The following CERS6 variants were observed in gnomAD, a reference collection of about 807,000 sequenced individuals.
The protein encoded by CERS6 is LAG1 homolog, ceramide synthase 6.
CERS6 carries 26 observed loss-of-function variants against 56.8 expected under a neutral mutation model. The ratio of observed to expected loss-of-function variants is 0.46; its 90% CI spans 0.34 to 0.63. CERS6 has a LOEUF of 0.63. Among genes scored for constraint, CERS6 ranks in the 30% least tolerant of loss-of-function variants. The pLI is 0.01. For synonymous variants in CERS6, 164 were observed against 173.3 expected (o/e 0.95, Z 0.42); for missense variants, 415 against 467.5 (o/e 0.89, Z 1.04).
chr2:168,600,395 G>A (rs911416566), intron 3 of CERS6, among the ~76,000 whole-genome samples: 2 of 151,904 alleles, frequency 1.3e-5, no homozygotes, highest in African/African-American at 4.8e-5. Flanking sequence ...TAGTAGAGAC[G>A]GGGTTTCACC....
At chr2:168,735,611 G>T (rs1683689689) in intron 8 of CERS6, among the ~76,000 whole-genome samples, 1 of 151,990 alleles carries the variant, frequency 6.6e-6, no homozygotes, top group African/African-American at 2.4e-5. Context: ...AGTGGCTCAT[G>T]CCTACAATCC....
chr2:168,646,372 C>T (rs1685202640), intron 4 of CERS6, among the ~76,000 whole-genome samples: 1 of 152,008 alleles, frequency 6.6e-6, no homozygotes, highest in African/African-American at 2.4e-5. Flanking sequence ...TTTTCTTTGC[C>T]CACTTTTTAA....
At chr2:168,631,200 C>G (rs1201606806) in intron 4 of CERS6, among the ~76,000 whole-genome samples, 158 bp downstream of exon 4, 1 of 150,374 alleles carries the variant, frequency 6.7e-6, no homozygotes, top group Non-Finnish European at 1.5e-5. Flanking sequence ...AAAAATATTT[C>G]GGATGTTGCT....
intron 3 of CERS6, among the ~76,000 whole-genome samples, chr2:168,610,930 C>G (rs537049058): frequency 6.6e-6 from 1 of 152,308 alleles, no homozygotes; most frequent in African/African-American, 2.4e-5. Flanking sequence ...GCCTCAGCCT[C>G]CAGAGTAACT....
At chr2:168,636,576 A>G (rs1559030332) in intron 4 of CERS6, among the ~76,000 whole-genome samples, 1 of 152,152 alleles carries the variant, frequency 6.6e-6, no homozygotes. Context: ...CACATAAAAA[A>G]TACTGTTCTG....
At position 168,561,104 on chromosome 2, in the gene CERS6, A is replaced by G. The variant is rs1695777964; in HGVS notation, c.277-88A>G. The G allele has an allele frequency of 4.2e-6, 6 of 1,428,006 alleles. No homozygotes were observed. In the South Asian group the frequency reaches 5.1e-5, roughly 12 times the overall value. 88.5% of individuals were successfully genotyped at this position (1,428,006 alleles called of 1,614,324 possible). On this transcript the variant is annotated intron_variant, in intron 2 of 9. Coordinates refer to ENST00000305747, the MANE Select transcript of CERS6 (RefSeq NM_203463.3). ...AGATAGTAAACAATAGGGGGAAAAA[A>G]ACCTCTCAGATATAGACAAGGGCAG...
chr2:168,602,143 A>G (rs534443210), intron 3 of CERS6, among the ~76,000 whole-genome samples: 144 of 152,364 alleles, frequency 9.5e-4, no homozygotes, highest in African/African-American at 3.3e-3. Flanking sequence ...TAGCAAGGGT[A>G]TTGCACAAAT....
chr2:168,607,348 C>T (rs1341523010), intron 3 of CERS6, among the ~76,000 whole-genome samples: 1 of 152,060 alleles, frequency 6.6e-6, no homozygotes, highest in Non-Finnish European at 1.5e-5. Context: ...TTTTAAGTTA[C>T]TCTTCCCAGT....
intron 1 of CERS6, among the ~76,000 whole-genome samples, chr2:168,494,941 C>A (rs1694439365): frequency 6.6e-6 from 1 of 152,126 alleles, no homozygotes; most frequent in South Asian, 2.1e-4. Context: ...TTGGCTACTC[C>A]TGGATTCCTT....
intron 1 of CERS6, among the ~76,000 whole-genome samples, chr2:168,525,477 G>A (rs992155312): frequency 2.0e-5 from 3 of 152,222 alleles, no homozygotes; most frequent in Admixed American, 1.3e-4. Flanking sequence ...GGGCCTGAGA[G>A]TCTGCATTTT....
intron 1 of CERS6, among the ~76,000 whole-genome samples, chr2:168,475,933 G>T (rs1378917671): frequency 6.6e-6 from 1 of 152,158 alleles, no homozygotes; most frequent in Non-Finnish European, 1.5e-5. Flanking sequence ...ATGCAAGTCC[G>T]GGCTCACTGT....
chr2:168,588,022 G>A (rs114144615), intron 3 of CERS6, among the ~76,000 whole-genome samples: 1 of 151,834 alleles, frequency 6.6e-6, no homozygotes, highest in Non-Finnish European at 1.5e-5. Flanking sequence ...GACCTTCTGG[G>A]CTCAGTGATC....
intron 4 of CERS6, among the ~76,000 whole-genome samples, chr2:168,670,168 A>G (rs1428360413): frequency 6.6e-6 from 1 of 152,218 alleles, no homozygotes; most frequent in Non-Finnish European, 1.5e-5. Context: ...CACCATGGCT[A>G]TCTTATAGAG....
intron 3 of CERS6, among the ~76,000 whole-genome samples, chr2:168,591,562 A>G (rs2077765): frequency 0.019 from 2,878 of 152,346 alleles, 129 homozygotes; most frequent in East Asian, 0.18. Context: ...AGTCAACATT[A>G]TTTATTCACT....
intron 8 of CERS6, among the ~76,000 whole-genome samples, chr2:168,739,281 G>A (rs1480101887): frequency 6.6e-6 from 1 of 151,828 alleles, no homozygotes; most frequent in Non-Finnish European, 1.5e-5. Flanking sequence ...TATTTGAGCT[G>A]GGCCTTGAAG....
chr2:168,523,546 A>T (rs1695020872), intron 1 of CERS6, among the ~76,000 whole-genome samples: 1 of 152,118 alleles, frequency 6.6e-6, no homozygotes, highest in Non-Finnish European at 1.5e-5. Context: ...TGGCACGTGC[A>T]GCACTTTTAG....
At chr2:168,706,281 T>C (rs1003847878) in intron 6 of CERS6, among the ~76,000 whole-genome samples, 1 of 152,218 alleles carries the variant, frequency 6.6e-6, no homozygotes, top group Non-Finnish European at 1.5e-5. Flanking sequence ...CTGTTTTCTA[T>C]TGTGCAAATA....
intron 6 of CERS6, among the ~76,000 whole-genome samples, chr2:168,710,268 A>G (rs549381517): frequency 2.4e-4 from 37 of 152,358 alleles, no homozygotes; most frequent in African/African-American, 7.7e-4. Flanking sequence ...CTAATCCTCC[A>G]TAAGTGTTTT....
chr2:168,485,514 C>T lies in CERS6; in HGVS notation c.170+28896C>T, dbSNP rs184995507. Among the ~76,000 whole-genome samples, 485 of 152,248 alleles carry T rather than the reference C, an allele frequency of 3.2e-3. 2 individuals are homozygous for T. Among genetic ancestry groups the T allele is most frequent in the African/African-American group, 0.011 (446 of 41,546 alleles). On this transcript the variant is annotated intron_variant, in intron 1 of 9. Transcript: ENST00000305747. ...CTATTTATCCCTTTATGCCTCCCCC[C>T]ACACTGAACTTTTGGAACTACTGAT... is the stretch of plus-strand genomic sequence containing the variant.
Sources: gnomAD v4.1 joint callset for allele counts (sites outside exome capture counted in the v4.1 genomes callset) on GRCh38, gnomAD v4.1.1 for gene constraint, MANE v1.5 for transcripts, NCBI Gene and HGNC (gene_info 2026-07-23, HGNC 2026-07-21) for gene names.